Variants in PPP2R5C observed in about 807,000 individuals in gnomAD.
The protein encoded by PPP2R5C is serine/threonine-protein phosphatase 2A 56 kDa regulatory subunit gamma isoform.
Under a neutral mutation model 68.9 loss-of-function variants are expected in PPP2R5C, and 7 were observed. That is an observed-to-expected ratio of 0.10 (90% CI 0.06 to 0.19). The LOEUF (loss-of-function observed/expected upper bound fraction) is 0.19, where lower values mean the gene tolerates loss of function less well. Ranked by LOEUF, PPP2R5C falls within the 10% of genes least tolerant of loss-of-function variation. PPP2R5C has a pLI of 1.00. For missense variants in PPP2R5C, 348 were observed against 641.3 expected (o/e 0.54, Z 4.94); for synonymous variants, 210 against 222.2 (o/e 0.95, Z 0.49).
intron 8 of PPP2R5C, among the ~76,000 whole-genome samples, chr14:101,895,853 C>A (rs926435991): frequency 2.0e-5 from 3 of 152,086 alleles, no homozygotes; most frequent in African/African-American, 7.2e-5. Context: ...ATTGCTGAAT[C>A]ATATGGTAAT....
intron 13 of PPP2R5C, chr14:101,921,207 A>G: frequency 4.0e-6 from 1 of 249,842 alleles, no homozygotes; most frequent in Non-Finnish European, 8.2e-6. Context: ...AGCAGTGACT[A>G]CCGGCACCAC....
chr14:101,840,635 A>G (rs1389577423), intron 1 of PPP2R5C, among the ~76,000 whole-genome samples: 1 of 152,106 alleles, frequency 6.6e-6, no homozygotes, highest in Non-Finnish European at 1.5e-5. Flanking sequence ...TGGCCCCCCC[A>G]TGACCTAGTG....
intron 1 of PPP2R5C, among the ~76,000 whole-genome samples, chr14:101,842,833 C>T (rs535679339): frequency 6.6e-5 from 10 of 150,852 alleles, no homozygotes; most frequent in South Asian, 2.1e-4. Context: ...CCACCATTTC[C>T]GTGTCTGATC....
chr14:101,882,312 C>T lies in PPP2R5C; in HGVS notation c.405+41C>T, dbSNP rs2044215570. ...TGATAGACTCGGAGGGCACTGGTGA[C>T]ACATGGGAATGGCCTGGGATCCACA... On this transcript the variant is annotated intron_variant, in intron 3 of 13. Transcript: ENST00000334743. This position sits in a 1 kb window ranked among gnomAD's most constrained non-coding sequence, Gnocchi z 4.9. 2 of 1,492,124 alleles carry T rather than the reference C, an allele frequency of 1.3e-6. No homozygotes were observed. Among genetic ancestry groups the T allele is most frequent in the South Asian group, 2.4e-5 (2 of 82,678 alleles). The allele number at this position is 1,492,124 out of a possible 1,614,324, so 92.4% of individuals were successfully genotyped here.
At chr14:101,883,141 A>T in intron 3 of PPP2R5C, 116 bp from the exon 6 acceptor site, 1 of 668,718 alleles carries the variant, frequency 1.5e-6, no homozygotes, top group East Asian at 2.8e-5. Context: ...TTCTGTAGAT[A>T]TGTGGCTTTG....
In PPP2R5C at chr14:101,899,910, G is replaced by A. The variant is rs1163863006; in HGVS notation, c.853-1809G>A. On this transcript the variant is annotated intron_variant, in intron 8 of 13. Coordinates refer to ENST00000334743, the Ensembl canonical transcript of PPP2R5C. The surrounding 1 kb of genome is among the most constrained non-coding windows in gnomAD (Gnocchi z 4.2). ...TTTATTTTTATTTGGCTCTTTTGGG[G>A]TTTTTGTTTGTTTGTTAGATTCTTG... Among the ~76,000 whole-genome samples the A allele has an allele frequency of 1.3e-5, 2 of 152,082 alleles. No individual in the cohort carries two copies. Among genetic ancestry groups the A allele is most frequent in the African/African-American group, 4.8e-5 (2 of 41,424 alleles).
In PPP2R5C at chr14:101,882,547, C is replaced by G. The variant is rs908072093; in HGVS notation, c.405+276C>G. 1 of 293,830 alleles carries G rather than the reference C, an allele frequency of 3.4e-6. No individual in the cohort carries two copies. Among genetic ancestry groups the G allele is most frequent in the African/African-American group, 2.2e-5 (1 of 45,996 alleles). The allele number at this position is 293,830 out of a possible 1,614,324, so 18.2% of individuals were successfully genotyped here. A position where few individuals can be genotyped will look rare whatever the true frequency, so the allele number is the denominator to read the frequency against. Reference sequence around the variant, plus strand: ...ATGGCCGTTGAATTGAATTCAGGCCCAGAGGTCCTAAGCCAACAATCTCCC... The same window carrying G: ...ATGGCCGTTGAATTGAATTCAGGCCGAGAGGTCCTAAGCCAACAATCTCCC... On this transcript the variant is annotated intron_variant, in intron 3 of 13. Coordinates refer to ENST00000334743, the Ensembl canonical transcript of PPP2R5C. This position sits in a 1 kb window ranked among gnomAD's most constrained non-coding sequence, Gnocchi z 4.9.
At position 101,781,780 on chromosome 14, in the gene PPP2R5C, CTGCT is replaced by C. The variant is rs2037708639; in HGVS notation, c.94-4235_94-4232del. Among the ~76,000 whole-genome samples, 1 of 151,876 alleles carries C rather than the reference CTGCT, an allele frequency of 6.6e-6. No individual in the cohort carries two copies. Among genetic ancestry groups the C allele is most frequent in the African/African-American group, 2.4e-5 (1 of 41,352 alleles). ...CTCCTGCGTTGCGCGCTCCAACCCT[CTGCT>C]TGGCCGCCCGCGAACCGCGCTCTCC... On this transcript the variant is annotated intron_variant, in intron 2 of 14. Coordinates refer to the PPP2R5C transcript ENST00000328724. The surrounding 1 kb of genome is among the most constrained non-coding windows in gnomAD (Gnocchi z 6.4).
chr14:101,798,264 C>T (rs2038707430), intron 3 of PPP2R5C, among the ~76,000 whole-genome samples: 1 of 152,062 alleles, frequency 6.6e-6, no homozygotes, highest in African/African-American at 2.4e-5. Context: ...AAAATGTCTT[C>T]ACTAAAATAG....
chr14:101,876,040 A>C (rs920588615), intron 2 of PPP2R5C, among the ~76,000 whole-genome samples: 1 of 152,118 alleles, frequency 6.6e-6, no homozygotes, highest in Non-Finnish European at 1.5e-5. Flanking sequence ...TGTTGGTTTC[A>C]TATTTTTGAT....
chr14:101,893,185 T>C (rs972763417), intron 7 of PPP2R5C, 77 bp downstream of exon 9: 2 of 1,025,192 alleles, frequency 2.0e-6, no homozygotes, highest in African/African-American at 1.6e-5. Context: ...GAATCCGGCC[T>C]TGACTGAGAG....
At chr14:101,887,923 G>A (rs899534437) in intron 5 of PPP2R5C, among the ~76,000 whole-genome samples, 5 of 152,096 alleles carry the variant, frequency 3.3e-5, no homozygotes, top group African/African-American at 4.8e-5. Flanking sequence ...CACTCTCTCC[G>A]GCTCCCAGGG....
At chr14:101,785,251 T>C (rs906570211) in intron 2 of PPP2R5C, among the ~76,000 whole-genome samples, 1 of 152,110 alleles carries the variant, frequency 6.6e-6, no homozygotes, top group Admixed American at 6.5e-5. Flanking sequence ...TTTTGTGAGA[T>C]ACTCAGCCGT....
rs562246761 is a variant in PPP2R5C, at chr14:101,833,245, C to T, written c.94+23209C>T. 2.0e-5 allele frequency among the ~76,000 whole-genome samples: 3 copies of T among 152,342 alleles called. No homozygotes were observed. The East Asian group carries it at 5.8e-4, about 29-fold the overall frequency. ...CGCCTAGGTCCGCCCCTCGGCCAGC[C>T]GTGGCCAGAGGTCACTGGTGCTGCT... On this transcript the variant is annotated intron_variant, in intron 1 of 13. Transcript: ENST00000334743.
At chr14:101,921,734 G>A (rs550807918) in intron 13 of PPP2R5C, among the ~76,000 whole-genome samples, 2 of 152,284 alleles carry the variant, frequency 1.3e-5, no homozygotes, top group Non-Finnish European at 2.9e-5. Flanking sequence ...TGAGTGTTGG[G>A]TAGGGAGAGG....
chr14:101,776,109 A>G (rs1177049684), intron 2 of PPP2R5C, among the ~76,000 whole-genome samples: 1 of 143,338 alleles, frequency 7.0e-6, no homozygotes, highest in East Asian at 2.2e-4. Flanking sequence ...TGGAGGCCAC[A>G]GTGCTCGCTT....
At position 101,917,706 on chromosome 14, in the gene PPP2R5C, G is replaced by A. The variant is rs2046758887; in HGVS notation, c.1327-125G>A. On this transcript the variant is annotated intron_variant, in intron 12 of 13. Transcript: ENST00000334743. The surrounding 1 kb of genome is among the most constrained non-coding windows in gnomAD (Gnocchi z 4.4). ...TGCAGGTGTAGGCGAGTCTCCCACT[G>A]AGTGGGCTTCCTGCGGGAGAGGGCC... 1 of 1,349,472 alleles carries A rather than the reference G, an allele frequency of 7.4e-7. No individual in the cohort carries two copies. The highest frequency in any genetic ancestry group is 1.0e-6 in the Non-Finnish European group (1 of 985,784). The allele number at this position is 1,349,472 out of a possible 1,614,324, so 83.6% of individuals were successfully genotyped here.
intron 1 of PPP2R5C, among the ~76,000 whole-genome samples, chr14:101,815,796 A>G (rs2039626008): frequency 6.6e-6 from 1 of 152,064 alleles, no homozygotes; most frequent in African/African-American, 2.4e-5. Context: ...CAGCCTCCCG[A>G]GTAGCTGGGA....
At chr14:101,865,035 G>A (rs1028093460) in intron 2 of PPP2R5C, among the ~76,000 whole-genome samples, 1 of 152,222 alleles carries the variant, frequency 6.6e-6, no homozygotes, top group African/African-American at 2.4e-5. Flanking sequence ...ACGATTCGGG[G>A]TGGATTTGTT....
Sources: gnomAD v4.1 joint callset for allele counts (sites outside exome capture counted in the v4.1 genomes callset) on GRCh38, gnomAD v4.1.1 for gene constraint, Gnocchi (gnomAD v3.1) non-coding constraint, MANE v1.5 for transcripts, NCBI Gene and HGNC (gene_info 2026-07-23, HGNC 2026-07-21) for gene names.